ATF7IP: variants seen among roughly 807,000 people sequenced by gnomAD.
ATF7IP encodes the protein activating transcription factor 7-interacting protein 1.
Under a neutral mutation model 106.4 loss-of-function variants are expected in ATF7IP, and 23 were observed. The observed-to-expected ratio is 0.22, with a 90% CI of 0.16 to 0.31. ATF7IP has a LOEUF of 0.31. Among genes scored for constraint, ATF7IP ranks in the 10% least tolerant of loss-of-function variants. The pLI is 1.00. For missense variants in ATF7IP, 1,334 were observed against 1,524.3 expected, an observed-to-expected ratio of 0.88 and a Z score of 2.08; for synonymous variants, 542 against 539.0, an observed-to-expected ratio of 1.01 and a Z score of -0.08.
chr12:14,401,600 T>G (rs1343259620), intron 1 of ATF7IP, among the ~76,000 whole-genome samples: 1 of 152,028 alleles, frequency 6.6e-6, no homozygotes, highest in Non-Finnish European at 1.5e-5. Context: ...TTTTTGTACT[T>G]AAGATAATAA....
intron 1 of ATF7IP, among the ~76,000 whole-genome samples, chr12:14,409,610 G>A (rs1279410343): frequency 6.6e-6 from 1 of 152,020 alleles, no homozygotes; most frequent in Non-Finnish European, 1.5e-5. Context: ...CTGCAATCCT[G>A]CAAGATGAGC....
intron 13 of ATF7IP, among the ~76,000 whole-genome samples, chr12:14,494,556 AAT>A (rs1321652974): frequency 6.8e-6 from 1 of 147,398 alleles, no homozygotes; most frequent in Non-Finnish European, 1.5e-5. Context: ...ATAAATATTA[AAT>A]ATATGTAAAA....
Position 14,497,791 on chromosome 12 carries a change from A to G in ATF7IP, c.3531A>G (p.Ile1177Met). Residue 1177 changes from isoleucine to methionine, a missense_variant, in exon 15 of 15, where the codon ATA (isoleucine) becomes ATG (methionine). Physicochemically the swap from Ile to Met is conservative, Grantham distance 10 (BLOSUM62 1). Transcript: ENST00000261168. ...KLARVQSQNG[I>M]VLSWSVLEVD... ...CACGCGTTCAGAGTCAAAATGGCAT[A>G]GTACTGTCATGGAGTGTCCTGGAGG... The G allele has an allele frequency of 6.2e-7, 1 of 1,614,154 alleles. No homozygotes were observed. Among genetic ancestry groups the G allele is most frequent in the Non-Finnish European group, 8.5e-7 (1 of 1,180,018 alleles).
intron 1 of ATF7IP, among the ~76,000 whole-genome samples, chr12:14,380,010 C>T (rs1938933534): frequency 6.6e-6 from 1 of 151,954 alleles, no homozygotes; most frequent in African/African-American, 2.4e-5. Context: ...TGTGTGATTC[C>T]AATTTGAATA....
At chr12:14,454,275 T>TA (rs1170665188) in intron 6 of ATF7IP, among the ~76,000 whole-genome samples, 2 of 152,292 alleles carry the variant, frequency 1.3e-5, no homozygotes, top group East Asian at 3.9e-4. Flanking sequence ...GTCTTTGCTA[T>TA]AGCAGCCTCT....
chr12:14,461,207 T>C (rs1483619636), intron 9 of ATF7IP, 74 bp downstream of exon 9: 5 of 1,368,644 alleles, frequency 3.7e-6, no homozygotes, highest in Non-Finnish European at 5.0e-6. Flanking sequence ...ACTTTTTTTT[T>C]CTAAGTGGCT....
At chr12:14,474,733 T>C (rs948241399) in intron 10 of ATF7IP, among the ~76,000 whole-genome samples, 1 of 152,216 alleles carries the variant, frequency 6.6e-6, no homozygotes, top group Non-Finnish European at 1.5e-5. Flanking sequence ...TTCGAGTCTT[T>C]ATCTGCTGGA....
In ATF7IP at chr12:14,457,252, A is replaced by T. The variant is rs1439554158; in HGVS notation, c.2115A>T (p.Val705=). Reference sequence around the variant, plus strand: ...AGATGCTGGAGTCCAAAAGAAATGTAAGCGAGAGTGCACCACCATCCTTTC... The same window carrying T: ...AGATGCTGGAGTCCAAAAGAAATGTTAGCGAGAGTGCACCACCATCCTTTC... ...VRQMLESKRN[V]SESAPPSFQT... The change falls in exon 8 of 15, where the codon GTA becomes GTT. Residue 705 remains valine, a synonymous_variant. Transcript: ENST00000261168. The T allele has an allele frequency of 1.2e-6, 2 of 1,613,908 alleles. No individual in the cohort carries two copies. The highest frequency in any genetic ancestry group is 1.7e-6 in the Non-Finnish European group (2 of 1,179,956).
intron 2 of ATF7IP, among the ~76,000 whole-genome samples, chr12:14,432,134 A>G (rs1241925700): frequency 6.6e-6 from 1 of 152,168 alleles, no homozygotes; most frequent in Admixed American, 6.5e-5. Flanking sequence ...GAGGCAAACC[A>G]TAGCAGGCCA....
intron 10 of ATF7IP, among the ~76,000 whole-genome samples, chr12:14,474,169 A>T (rs1944166439): frequency 2.6e-5 from 4 of 151,472 alleles, no homozygotes; most frequent in Admixed American, 2.6e-4. Flanking sequence ...GGCGTTTTTC[A>T]TATTTTCTTC....
chr12:14,472,169 T>TA (rs1944073211), intron 10 of ATF7IP, among the ~76,000 whole-genome samples: 2 of 152,154 alleles, frequency 1.3e-5, no homozygotes, highest in Non-Finnish European at 2.9e-5. Flanking sequence ...TCTGGCTACA[T>TA]ATCTGACTTA....
intron 1 of ATF7IP, among the ~76,000 whole-genome samples, chr12:14,389,395 AGT>A (rs767815624): frequency 6.6e-6 from 1 of 152,200 alleles, no homozygotes; most frequent in Non-Finnish European, 1.5e-5. Context: ...GAGTAGGAGA[AGT>A]GTTTTGGGTA....
chr12:14,412,780 G>A (rs895775312), intron 1 of ATF7IP, among the ~76,000 whole-genome samples: 7 of 151,988 alleles, frequency 4.6e-5, no homozygotes, highest in Admixed American at 2.0e-4. Flanking sequence ...TTGGGTGGCC[G>A]AGGCAGGTGG....
chr12:14,382,947 G>C (rs1196443167), intron 1 of ATF7IP, among the ~76,000 whole-genome samples: 1 of 152,146 alleles, frequency 6.6e-6, no homozygotes, highest in East Asian at 1.9e-4. Flanking sequence ...ATCATGTAGA[G>C]GATATATCAA....
chr12:14,458,426 T>C (rs899235555), intron 8 of ATF7IP, among the ~76,000 whole-genome samples: 1 of 152,252 alleles, frequency 6.6e-6, no homozygotes, highest in Admixed American at 6.5e-5. Flanking sequence ...CAGATAATTG[T>C]GGATATTCTT....
At chr12:14,414,773 C>T (rs1458114220) in intron 1 of ATF7IP, among the ~76,000 whole-genome samples, 1 of 152,042 alleles carries the variant, frequency 6.6e-6, no homozygotes, top group African/African-American at 2.4e-5. Context: ...GTTAGCTGTC[C>T]AGCTTTTCTC....
At chr12:14,441,355 T>C (rs940304856) in intron 5 of ATF7IP, among the ~76,000 whole-genome samples, 1 of 152,194 alleles carries the variant, frequency 6.6e-6, no homozygotes, top group Admixed American at 6.5e-5. Context: ...ACTTTTCATG[T>C]ACTTGTTGAT....
rs73058730 is a variant in ATF7IP at position 14,375,480 on chromosome 12, A to G, written c.-8+9653A>G. Among the ~76,000 whole-genome samples, 643 of 152,280 alleles carry G rather than the reference A, an allele frequency of 4.2e-3. 2 individuals carry two copies. Among genetic ancestry groups the G allele is most frequent in the Non-Finnish European group, 7.8e-3 (530 of 68,008 alleles). On this transcript the variant is annotated intron_variant, in intron 1 of 14. Coordinates refer to ENST00000261168, the MANE Select transcript of ATF7IP (RefSeq NM_018179.5). ...TAATTATTTTGTATTTTAGGTTTGT[A>G]TAATCCTCTTCCCCCACCAAACTTA...
At chr12:14,464,750 G>T (rs975103996) in intron 9 of ATF7IP, among the ~76,000 whole-genome samples, 2 of 152,160 alleles carry the variant, frequency 1.3e-5, no homozygotes, top group African/African-American at 4.8e-5. Flanking sequence ...TGAGAATCTA[G>T]AATAAGGAAT....
Sources: gnomAD v4.1 joint callset for allele counts (sites outside exome capture counted in the v4.1 genomes callset) on GRCh38, gnomAD v4.1.1 for gene constraint, MANE v1.5 for transcripts, NCBI Gene and HGNC (gene_info 2026-07-23, HGNC 2026-07-21) for gene names.